HDAC4: variants seen among roughly 807,000 people sequenced by gnomAD.
HDAC4 encodes histone deacetylase 4, also known as histone deacetylase A.
HDAC4 carries 16 observed loss-of-function variants against 135.1 expected under a neutral mutation model. That is an observed-to-expected ratio of 0.12 (90% confidence interval 0.08 to 0.18). The LOEUF (loss-of-function observed/expected upper bound fraction) is 0.18, where lower values mean the gene tolerates loss of function less well. Ranked by LOEUF, HDAC4 falls within the 10% of genes least tolerant of loss-of-function variation. HDAC4 has a pLI of 1.00. For synonymous variants in HDAC4, 685 were observed against 653.4 expected (o/e 1.05, Z -0.74); for missense variants, 1,143 against 1,511.8 (o/e 0.76, Z 4.05).
intron 1 of HDAC4, among the ~76,000 whole-genome samples, chr2:239,389,823 G>C (rs917584546): frequency 2.0e-5 from 3 of 152,180 alleles, no homozygotes; most frequent in African/African-American, 7.2e-5. Flanking sequence ...TCCCCAGCCG[G>C]CTTCTGGAAG....
chr2:239,279,609 A>G (rs2050588087), intron 2 of HDAC4, among the ~76,000 whole-genome samples: 2 of 152,208 alleles, frequency 1.3e-5, no homozygotes, highest in Non-Finnish European at 2.9e-5. Context: ...GGGTGGAGTG[A>G]GCTGGGACAG....
intron 2 of HDAC4, among the ~76,000 whole-genome samples, chr2:239,332,880 G>A (rs1295500078): frequency 6.7e-6 from 1 of 149,942 alleles, no homozygotes; most frequent in African/African-American, 2.4e-5. Context: ...AAAAGGGGAT[G>A]ACACTACAAA....
At chr2:239,092,629 A>C (rs370301328) in intron 17 of HDAC4, among the ~76,000 whole-genome samples, 6 of 152,118 alleles carry the variant, frequency 3.9e-5, no homozygotes, top group African/African-American at 1.2e-4. Flanking sequence ...AGCCCCAGCC[A>C]AACTGCAGGA....
intron 3 of HDAC4, among the ~76,000 whole-genome samples, chr2:239,221,312 C>T (rs1226030723): frequency 6.6e-6 from 1 of 152,060 alleles, no homozygotes; most frequent in African/African-American, 2.4e-5. Context: ...CACCTGACAC[C>T]ACATCAGGGG....
intron 3 of HDAC4, among the ~76,000 whole-genome samples, chr2:239,196,103 A>C (rs1388366480): frequency 1.3e-5 from 2 of 152,136 alleles, no homozygotes; most frequent in African/African-American, 4.8e-5. Flanking sequence ...AGATATTTCA[A>C]CTATGTAACC....
intron 2 of HDAC4, among the ~76,000 whole-genome samples, chr2:239,252,334 G>T (rs1056603400): frequency 3.9e-5 from 6 of 152,166 alleles, no homozygotes; most frequent in African/African-American, 1.4e-4. Flanking sequence ...GAGAGGACTG[G>T]ACTAAGCACC....
chr2:239,098,960 T>A (rs2037367896), intron 16 of HDAC4, among the ~76,000 whole-genome samples: 1 of 152,216 alleles, frequency 6.6e-6, no homozygotes, highest in Non-Finnish European at 1.5e-5. Flanking sequence ...AATAGAATGA[T>A]CAACCTTCCT....
intron 2 of HDAC4, among the ~76,000 whole-genome samples, chr2:239,267,194 C>T (rs59850326): frequency 0.022 from 3,368 of 152,290 alleles, 122 homozygotes; most frequent in African/African-American, 0.077. Context: ...GACCTACCAC[C>T]GTCCAGGATC....
chr2:239,328,802 G>C (rs1379374439), intron 2 of HDAC4, among the ~76,000 whole-genome samples: 1 of 152,260 alleles, frequency 6.6e-6, no homozygotes, highest in Non-Finnish European at 1.5e-5. Flanking sequence ...CCGGAGCTCA[G>C]AGGGCAGGCC....
chr2:239,356,128 C>G (rs1693474824), intron 1 of HDAC4, among the ~76,000 whole-genome samples: 1 of 152,116 alleles, frequency 6.6e-6, no homozygotes, highest in East Asian at 1.9e-4. Flanking sequence ...ACACAGAGAA[C>G]ATTACATTAA....
chr2:239,270,037 G>A (rs183582690), intron 2 of HDAC4, among the ~76,000 whole-genome samples: 6 of 152,312 alleles, frequency 3.9e-5, no homozygotes, highest in Non-Finnish European at 7.3e-5. Flanking sequence ...CTGAGAGAGA[G>A]TCAACTGCAC....
intron 2 of HDAC4, among the ~76,000 whole-genome samples, chr2:239,310,517 A>G (rs1286267066): frequency 1.3e-5 from 2 of 152,238 alleles, no homozygotes; most frequent in Non-Finnish European, 2.9e-5. Context: ...GGCCCCTCCC[A>G]TGAGCCCTGC....
chr2:239,353,978 T>C (rs1693325850), intron 1 of HDAC4, among the ~76,000 whole-genome samples: 1 of 152,194 alleles, frequency 6.6e-6, no homozygotes, highest in Non-Finnish European at 1.5e-5. Flanking sequence ...TCTGTCTTCA[T>C]AATGACCATT....
At chr2:239,384,749 C>T (rs375227469) in intron 1 of HDAC4, among the ~76,000 whole-genome samples, 20 of 152,338 alleles carry the variant, frequency 1.3e-4, no homozygotes, top group African/African-American at 3.8e-4. Context: ...ATATACCCCA[C>T]GGCTCTGTCC....
intron 23 of HDAC4, 88 bp from the exon 24 acceptor site, chr2:239,066,943 A>C: frequency 6.6e-7 from 1 of 1,511,424 alleles, no homozygotes; most frequent in South Asian, 1.2e-5. Flanking sequence ...CATCGTAAGA[A>C]GACTGGGGGC....
chr2:239,248,137 G>A (rs2048572586), intron 2 of HDAC4, among the ~76,000 whole-genome samples: 1 of 151,742 alleles, frequency 6.6e-6, no homozygotes, highest in Non-Finnish European at 1.5e-5. Flanking sequence ...GCTCCAAGGT[G>A]CTTCAGCCAA....
Position 239,200,547 on chromosome 2 carries a change from T to C in HDAC4, c.95-10470A>G, listed in dbSNP as rs142131667. ...TGTTTCTCTCATTTAGATGGATATA[T>C]GCAATGCCAAAGACAAAAGCTTATG... On this transcript the variant is annotated intron_variant, in intron 3 of 26. Coordinates refer to ENST00000543185, the MANE Select transcript of HDAC4 (RefSeq NM_001378414.1). 2.2e-3 allele frequency among the ~76,000 whole-genome samples: 336 copies of C among 152,334 alleles called. 1 individual carries two copies. The highest frequency in any genetic ancestry group is 7.6e-3 in the African/African-American group (315 of 41,576).
At chr2:239,233,501 C>T (rs1005560693) in intron 3 of HDAC4, among the ~76,000 whole-genome samples, 1 of 151,734 alleles carries the variant, frequency 6.6e-6, no homozygotes, top group Non-Finnish European at 1.5e-5. Flanking sequence ...ACTTCTGCTT[C>T]CAAGCATTAC....
chr2:239,130,729 G>A (rs545524172), intron 11 of HDAC4, among the ~76,000 whole-genome samples: 5 of 152,250 alleles, frequency 3.3e-5, no homozygotes, highest in South Asian at 2.1e-4. Context: ...GCCCACCTGC[G>A]GCACAGCCCT....
Sources: allele counts gnomAD v4.1 joint callset (sites outside exome capture counted in the v4.1 genomes callset), GRCh38; gene constraint gnomAD v4.1.1; transcripts MANE v1.5; gene names NCBI Gene and HGNC (gene_info 2026-07-23, HGNC 2026-07-21).